TENM2: variants seen among roughly 807,000 people sequenced by gnomAD.
The protein encoded by TENM2 is teneurin-2.
TENM2 carries 52 observed loss-of-function variants against 245.2 expected under a neutral mutation model. That is an observed-to-expected ratio of 0.21 (90% CI 0.17 to 0.27). The LOEUF (loss-of-function observed/expected upper bound fraction) is 0.27. Among genes scored for constraint, TENM2 ranks in the 10% least tolerant of loss-of-function variants. TENM2 has a pLI of 1.00. For synonymous variants in TENM2, 1,363 were observed against 1,438.9 expected, an observed-to-expected ratio of 0.95 and a Z score of 1.19; for missense variants, 3,046 against 3,666.8, an observed-to-expected ratio of 0.83 and a Z score of 4.37.
At chr5:167,105,922 A>AAAAAAAAAG in the TENM2 span, among the ~76,000 whole-genome samples, 1 of 146,840 alleles carries the variant, frequency 6.8e-6, no homozygotes, top group African/African-American at 2.5e-5. Context: ...AAAAAAAAAA[A>AAAAAAAAAG]AAAAAGAAAG....
At chr5:167,911,526 C>CA (rs549603471) in intron 3 of TENM2, among the ~76,000 whole-genome samples, 56 of 152,218 alleles carry the variant, frequency 3.7e-4, no homozygotes, top group African/African-American at 9.9e-4. Context: ...GACTCCGTCT[C>CA]AAAAAACAAA....
At chr5:167,627,286 A>G (rs999779225) in intron 2 of TENM2, among the ~76,000 whole-genome samples, 11 of 152,318 alleles carry the variant, frequency 7.2e-5, no homozygotes, top group South Asian at 4.1e-4. Context: ...TTCAGCTATT[A>G]ACTGGATTTC....
At chr5:168,194,953 G>T (rs537578563) in intron 14 of TENM2, among the ~76,000 whole-genome samples, 2 of 152,280 alleles carry the variant, frequency 1.3e-5, no homozygotes, top group African/African-American at 2.4e-5. Flanking sequence ...AGAGTGGAAG[G>T]CGGGTGCCCA....
Position 167,655,097 on chromosome 5 carries a change from C to T in TENM2, c.503-220889C>T, listed in dbSNP as rs191101199. 9.1e-4 allele frequency among the ~76,000 whole-genome samples: 138 copies of T among 152,170 alleles called. 1 individual carries two copies. The South Asian group carries it at 0.014, about 15-fold the overall frequency. On this transcript the variant is annotated intron_variant, in intron 2 of 28. Transcript: ENST00000518659. The stretch of plus-strand genomic sequence containing the variant: ...ACGATCGATAGCCACATCTTGTTTG[C>T]GCTAGTGTTGGTTCACTGGTTGTAA...
chr5:167,518,916 A>G lies in TENM2; in HGVS notation c.502+143443A>G, dbSNP rs182253480. ...TTATGTGTAGGCAGTATCCATAATG[A>G]CTGTGTTTAGATTCAGTCTTGGAGA... On this transcript the variant is annotated intron_variant, in intron 2 of 28. Transcript: ENST00000518659. 7.5e-4 allele frequency among the ~76,000 whole-genome samples: 114 copies of G among 152,178 alleles called. 5 individuals are homozygous for G. Among genetic ancestry groups the G allele is most frequent in the Admixed American group, 6.8e-3 (104 of 15,282 alleles).
intron 7 of TENM2, among the ~76,000 whole-genome samples, chr5:168,063,708 T>C (rs1790251050): frequency 6.6e-6 from 1 of 152,182 alleles, no homozygotes; most frequent in Non-Finnish European, 1.5e-5. Flanking sequence ...GACAGCACTT[T>C]TCCTTACTGA....
chr5:167,839,870 T>A (rs1012190348), intron 2 of TENM2, among the ~76,000 whole-genome samples: 2 of 152,190 alleles, frequency 1.3e-5, no homozygotes, highest in Non-Finnish European at 2.9e-5. Context: ...CAGGCTGGAG[T>A]GCAGTGGCAC....
At chr5:167,547,900 A>C (rs566271153) in intron 2 of TENM2, among the ~76,000 whole-genome samples, 9 of 152,366 alleles carry the variant, frequency 5.9e-5, no homozygotes, top group African/African-American at 2.2e-4. Context: ...ACACATTGGC[A>C]TCTATTAAGA....
chr5:167,577,599 T>C (rs1774792524), intron 2 of TENM2, among the ~76,000 whole-genome samples: 1 of 152,176 alleles, frequency 6.6e-6, no homozygotes, highest in South Asian at 2.1e-4. Context: ...TTTTTTTTTG[T>C]ACTTGACCCA....
chr5:167,485,757 A>G (rs1768022609), intron 2 of TENM2, among the ~76,000 whole-genome samples: 1 of 152,176 alleles, frequency 6.6e-6, no homozygotes, highest in Non-Finnish European at 1.5e-5. Flanking sequence ...GAGCCAATGG[A>G]GGATGGCAGA....
intron 5 of TENM2, among the ~76,000 whole-genome samples, chr5:168,027,624 T>C (rs545300933): frequency 6.6e-6 from 1 of 152,256 alleles, no homozygotes; most frequent in Non-Finnish European, 1.5e-5. Flanking sequence ...AAAACATCAC[T>C]CCTCGTGGCC....
At chr5:167,536,017 G>C (rs1022652125) in intron 2 of TENM2, among the ~76,000 whole-genome samples, 1 of 152,110 alleles carries the variant, frequency 6.6e-6, no homozygotes, top group Non-Finnish European at 1.5e-5. Context: ...AAAAGGGACA[G>C]CTTTATCTTA....
At chr5:168,167,505 A>T (rs549890556) in intron 13 of TENM2, among the ~76,000 whole-genome samples, 1 of 152,300 alleles carries the variant, frequency 6.6e-6, no homozygotes, top group East Asian at 1.9e-4. Context: ...CAGCGGTGAC[A>T]GTGGAGACCA....
chr5:167,925,570 G>A (rs1179732743), intron 3 of TENM2, among the ~76,000 whole-genome samples: 4 of 152,154 alleles, frequency 2.6e-5, no homozygotes, highest in Non-Finnish European at 5.9e-5. Context: ...GTTAAAAGCA[G>A]AATTACCATT....
chr5:168,001,879 C>A (rs1172471505), intron 5 of TENM2, among the ~76,000 whole-genome samples: 2 of 152,178 alleles, frequency 1.3e-5, no homozygotes, highest in African/African-American at 2.4e-5. Context: ...TTTATCATTA[C>A]CATAAAAAAG....
At chr5:167,525,420 C>A (rs1771047452) in intron 2 of TENM2, among the ~76,000 whole-genome samples, 1 of 152,132 alleles carries the variant, frequency 6.6e-6, no homozygotes, top group Non-Finnish European at 1.5e-5. Context: ...CACGTACCAA[C>A]CTAAGCACTC....
At chr5:167,412,250 T>A (rs1762946617) in intron 2 of TENM2, among the ~76,000 whole-genome samples, 1 of 152,050 alleles carries the variant, frequency 6.6e-6, no homozygotes, top group Admixed American at 6.6e-5. Context: ...GTGTTTTTAG[T>A]AATGGTTCAG....
At chr5:168,221,300 G>A (rs1158222640) in intron 23 of TENM2, among the ~76,000 whole-genome samples, 2 of 151,896 alleles carry the variant, frequency 1.3e-5, no homozygotes, top group African/African-American at 4.8e-5. Context: ...CTGCCGTGTT[G>A]TCACAGTGAC....
chr5:168,191,856 A>G (rs571401690), intron 14 of TENM2, among the ~76,000 whole-genome samples: 2 of 152,044 alleles, frequency 1.3e-5, no homozygotes, highest in Non-Finnish European at 2.9e-5. Flanking sequence ...GGGTGTCAGC[A>G]CAGCTGATTC....
Sources: allele counts gnomAD v4.1 joint callset (sites outside exome capture counted in the v4.1 genomes callset), GRCh38; gene constraint gnomAD v4.1.1; transcripts MANE v1.5; gene names NCBI Gene and HGNC (gene_info 2026-07-23, HGNC 2026-07-21).